Variants in AGAP1 observed in about 807,000 individuals in gnomAD.
AGAP1 encodes the protein arf-GAP with GTPase, ANK repeat and PH domain-containing protein 1.
A neutral mutation model predicts 105.3 loss-of-function variants in AGAP1; 29 were observed. The ratio of observed to expected loss-of-function variants is 0.28; its 90% CI spans 0.21 to 0.38. The LOEUF (loss-of-function observed/expected upper bound fraction) is 0.38, where lower values mean the gene tolerates loss of function less well. Ranked by LOEUF, AGAP1 falls within the 10% of genes least tolerant of loss-of-function variation. The pLI, the probability that AGAP1 is intolerant of heterozygous loss-of-function variation, is 1.00. For synonymous variants in AGAP1, 509 were observed against 485.9 expected, an observed-to-expected ratio of 1.05 and a Z score of -0.63; for missense variants, 998 against 1,165.1, an observed-to-expected ratio of 0.86 and a Z score of 2.09.
chr2:235,651,067 G>A (rs553890454), intron 1 of AGAP1, among the ~76,000 whole-genome samples: 59 of 152,014 alleles, frequency 3.9e-4, no homozygotes, highest in Admixed American at 1.4e-3. Context: ...TGTAGTCCCA[G>A]CTACTCAGGA....
rs570289059 is a variant in AGAP1, at chr2:235,919,745, A to G, written c.1324+10839A>G. Among the ~76,000 whole-genome samples the G allele has an allele frequency of 3.3e-5, 5 of 152,326 alleles. No individual in the cohort carries two copies. In the East Asian group the frequency reaches 9.6e-4, roughly 29 times the overall value. On this transcript the variant is annotated intron_variant, in intron 11 of 17. Coordinates refer to ENST00000304032, the MANE Select transcript of AGAP1 (RefSeq NM_001037131.3). The surrounding 1 kb of genome is among the most constrained non-coding windows in gnomAD (Gnocchi z 4.1). The stretch of plus-strand genomic sequence containing the variant: ...ACACACCTGTTGCATTTATCATATA[A>G]AGGAGAAAGAATATTGTAAAGATGG...
rs1342310481 is a variant in AGAP1, at chr2:235,601,866, C to A, written c.163+107017C>A. Reference sequence around the variant, plus strand: ...GTACAGTCACACTGGAGGTTCAACACAATCCAGCCACCACATCACCCAGGT... The same window carrying A: ...GTACAGTCACACTGGAGGTTCAACAAAATCCAGCCACCACATCACCCAGGT... On this transcript the variant is annotated intron_variant, in intron 1 of 17. Coordinates refer to ENST00000304032, the MANE Select transcript of AGAP1 (RefSeq NM_001037131.3). This position sits in a 1 kb window ranked among gnomAD's most constrained non-coding sequence, Gnocchi z 4.4. Among the ~76,000 whole-genome samples the A allele has an allele frequency of 6.6e-6, 1 of 152,194 alleles. No individual in the cohort carries two copies. Among genetic ancestry groups the A allele is most frequent in the East Asian group, 1.9e-4 (1 of 5,200 alleles).
chr2:235,768,582 C>G (rs915599752), intron 6 of AGAP1, among the ~76,000 whole-genome samples: 1 of 152,250 alleles, frequency 6.6e-6, no homozygotes, highest in African/African-American at 2.4e-5. Flanking sequence ...TTACCATCCT[C>G]TAAGATGTAG....
chr2:235,717,452 T>G, intron 2 of AGAP1, 105 bp from the exon 3 acceptor site: 1 of 884,012 alleles, frequency 1.1e-6, no homozygotes, highest in Non-Finnish European at 1.7e-6. Context: ...CAGTGCTTGG[T>G]TATGTTTGTG....
Position 235,953,076 on chromosome 2 carries a change from G to A in AGAP1, c.1484-15386G>A, listed in dbSNP as rs1204448512. ...TGCTATCACCATCCTCGCTGACTGG[G>A]ACATGCCACCCACCTCCAATAAAGG... On this transcript the variant is annotated intron_variant, in intron 12 of 17. Transcript: ENST00000304032. The surrounding 1 kb of genome is among the most constrained non-coding windows in gnomAD (Gnocchi z 5.2). Among the ~76,000 whole-genome samples the A allele has an allele frequency of 6.6e-6, 1 of 152,194 alleles. No individual in the cohort carries two copies. The highest frequency in any genetic ancestry group is 1.5e-5 in the Non-Finnish European group (1 of 68,036).
rs397935531 is a variant in AGAP1 at position 235,613,026 on chromosome 2, GT to G, written c.164-96137del. On this transcript the variant is annotated intron_variant, in intron 1 of 17. Transcript: ENST00000304032. Reference sequence around the variant, plus strand: ...CAAGAGAATTTTGCATTTCAGTTTTGTTTTTTTTTTTTTTTTGAGATGGAGC... The same window carrying G: ...CAAGAGAATTTTGCATTTCAGTTTTGTTTTTTTTTTTTTTTGAGATGGAGC... Among the ~76,000 whole-genome samples the G allele has an allele frequency of 6.7e-3, 904 of 135,060 alleles. 3 individuals carry two copies. The highest frequency in any genetic ancestry group is 0.02 in the Middle Eastern group (5 of 256). The allele number at this position is 135,060 out of a possible 152,430, so 88.6% of individuals were successfully genotyped here. A position where few individuals can be genotyped will look rare whatever the true frequency, so the allele number is the denominator to read the frequency against.
rs1559231763 is a variant in AGAP1, at chr2:235,536,668, CACACACACA to C, written c.163+41820_163+41828del. On this transcript the variant is annotated intron_variant, in intron 1 of 17. Transcript: ENST00000304032. ...ACACACACACACACACACACACACA[CACACACACA>C]CCCCTTGCTTATGTCCTCCACCCGT... 1.1e-3 allele frequency among the ~76,000 whole-genome samples: 166 copies of C among 149,702 alleles called. No homozygotes were observed. In the Middle Eastern group the frequency reaches 0.011, roughly 10 times the overall value.
At position 235,908,646 on chromosome 2, in the gene AGAP1, A is replaced by T. The variant is rs2051422177; in HGVS notation, c.1156-92A>T. The T allele has an allele frequency of 4.0e-6, 5 of 1,245,636 alleles. No homozygotes were observed. The South Asian group carries it at 7.8e-5, about 19-fold the overall frequency. 77.2% of individuals were successfully genotyped at this position (1,245,636 alleles called of 1,614,324 possible). On this transcript the variant is annotated intron_variant, in intron 10 of 17. Transcript: ENST00000304032. This position sits in a 1 kb window ranked among gnomAD's most constrained non-coding sequence, Gnocchi z 4.4. ...CACAGTGGAAGGGTCATAGGGTTTT[A>T]ACTCATGACGTCTGATAGACCCTTT...
At chr2:235,923,949 G>A (rs1405950837) in intron 11 of AGAP1, among the ~76,000 whole-genome samples, 1 of 152,152 alleles carries the variant, frequency 6.6e-6, no homozygotes, top group Non-Finnish European at 1.5e-5. Context: ...TTAGAAGAGT[G>A]GTGTAGGTTG....
At chr2:235,836,509 A>G (rs1960179901) in intron 9 of AGAP1, among the ~76,000 whole-genome samples, 1 of 152,214 alleles carries the variant, frequency 6.6e-6, no homozygotes, top group Non-Finnish European at 1.5e-5. Flanking sequence ...ACTTAAGTAC[A>G]GGTTCACACT....
chr2:235,894,266 C>A (rs149661094), intron 10 of AGAP1, among the ~76,000 whole-genome samples: 1 of 152,116 alleles, frequency 6.6e-6, no homozygotes, highest in African/African-American at 2.4e-5. Context: ...AGGAAGAATC[C>A]CCAGTTGGTT....
intron 16 of AGAP1, among the ~76,000 whole-genome samples, chr2:236,052,841 T>C (rs1444067694): frequency 6.6e-6 from 1 of 152,130 alleles, no homozygotes; most frequent in African/African-American, 2.4e-5. Context: ...CTACAACAAT[T>C]AACTACATCT....
chr2:236,035,541 T>G lies in AGAP1; in HGVS notation c.1646-1020T>G, dbSNP rs2057353664. ...ACTCAGGAGGCGAAGGCAGGCTCGC[T>G]TGAGCCTGGGAGGTGGAAGATATAA... On this transcript the variant is annotated intron_variant, in intron 13 of 17. Transcript: ENST00000304032. The surrounding 1 kb of genome is among the most constrained non-coding windows in gnomAD (Gnocchi z 4.2). 6.6e-6 allele frequency among the ~76,000 whole-genome samples: 1 copy of G among 152,144 alleles called. No homozygotes were observed. Among genetic ancestry groups the G allele is most frequent in the Admixed American group, 6.5e-5 (1 of 15,278 alleles).
intron 1 of AGAP1, among the ~76,000 whole-genome samples, chr2:235,499,182 G>A (rs1159178819): frequency 6.6e-6 from 1 of 152,170 alleles, no homozygotes; most frequent in East Asian, 1.9e-4. Context: ...GTGAGATTGC[G>A]GAGCCCCTGT....
rs934281456 is a variant in AGAP1 at position 235,596,387 on chromosome 2, G to A, written c.163+101538G>A. 2.0e-5 allele frequency among the ~76,000 whole-genome samples: 3 copies of A among 152,178 alleles called. No individual in the cohort carries two copies. Among genetic ancestry groups the A allele is most frequent in the African/African-American group, 7.2e-5 (3 of 41,434 alleles). Reference sequence around the variant, plus strand: ...AGGACAGGAGTCTACCTGGGGAGGGGCATCCCAGAGACTTACTCCAGCTGC... The same window carrying A: ...AGGACAGGAGTCTACCTGGGGAGGGACATCCCAGAGACTTACTCCAGCTGC... On this transcript the variant is annotated intron_variant, in intron 1 of 17. Coordinates refer to ENST00000304032, the MANE Select transcript of AGAP1 (RefSeq NM_001037131.3). The surrounding 1 kb of genome is among the most constrained non-coding windows in gnomAD (Gnocchi z 5.9).
intron 9 of AGAP1, among the ~76,000 whole-genome samples, chr2:235,815,405 A>C (rs141773477): frequency 6.6e-6 from 1 of 152,354 alleles, no homozygotes; most frequent in East Asian, 1.9e-4. Context: ...TAATGATGCC[A>C]GTCCCATTGA....
intron 6 of AGAP1, among the ~76,000 whole-genome samples, chr2:235,759,541 G>A (rs1334483550): frequency 6.6e-6 from 1 of 152,198 alleles, no homozygotes; most frequent in Non-Finnish European, 1.5e-5. Flanking sequence ...AGCCACATCT[G>A]ACCTGCCTAG....
At chr2:235,726,847 C>T (rs1951673346) in intron 3 of AGAP1, among the ~76,000 whole-genome samples, 1 of 152,162 alleles carries the variant, frequency 6.6e-6, no homozygotes, top group Non-Finnish European at 1.5e-5. Flanking sequence ...TAACTTGCAT[C>T]TCTGGAGCTG....
At position 235,958,801 on chromosome 2, in the gene AGAP1, G is replaced by A. The variant is rs756004552; in HGVS notation, c.1484-9661G>A. On this transcript the variant is annotated intron_variant, in intron 12 of 17. Transcript: ENST00000304032. The surrounding 1 kb of genome is among the most constrained non-coding windows in gnomAD (Gnocchi z 4.1). ...CAAGCAGGCTGCTTGATATTTATGC[G>A]GACGGAATGTTATTTTATTCCCCCT... Among the ~76,000 whole-genome samples the A allele has an allele frequency of 2.0e-5, 3 of 152,130 alleles. No homozygotes were observed. The highest frequency in any genetic ancestry group is 7.2e-5 in the African/African-American group (3 of 41,440).
Sources: allele counts gnomAD v4.1 joint callset (sites outside exome capture counted in the v4.1 genomes callset), GRCh38; gene constraint gnomAD v4.1.1; non-coding constraint Gnocchi (gnomAD v3.1); transcripts MANE v1.5; gene names NCBI Gene and HGNC (gene_info 2026-07-23, HGNC 2026-07-21).